SNX31: variants seen among roughly 807,000 people sequenced by gnomAD.
The protein encoded by SNX31 is sorting nexin-31.
A neutral mutation model predicts 65.4 loss-of-function variants in SNX31; 58 were observed. The observed-to-expected ratio is 0.89, with a 90% CI of 0.72 to 1.10. The LOEUF is 1.10. Ranked by LOEUF, SNX31 falls within the 50% of genes least tolerant of loss-of-function variation. The pLI is 0.00. For missense variants in SNX31, 523 were observed against 529.7 expected (o/e 0.99, Z 0.12); for synonymous variants, 181 against 190.1 (o/e 0.95, Z 0.39).
chr8:100,618,390 A>G, intron 4 of SNX31: 1 of 1,491,110 alleles, frequency 6.7e-7, no homozygotes, highest in South Asian at 1.2e-5. Context: ...TTCTGACACT[A>G]ATTGTGGGTG....
rs914910619 is a variant in SNX31 at position 100,612,229 on chromosome 8, T to C, written c.524-142A>G. ...AATATCCTCTGTATTTACACGTAAT[T>C]TTAACTTTCTGAAGTTCATTCAAAA... On this transcript the variant is annotated intron_variant, in intron 6 of 13. Coordinates refer to ENST00000311812, the MANE Select transcript of SNX31 (RefSeq NM_152628.4). The surrounding 1 kb of genome is among the most constrained non-coding windows in gnomAD (Gnocchi z 4.3). The C allele has an allele frequency of 8.4e-6, 5 of 593,790 alleles. No homozygotes were observed. Among genetic ancestry groups the C allele is most frequent in the Non-Finnish European group, 1.5e-5 (5 of 340,748 alleles). 36.8% of individuals were successfully genotyped at this position (593,790 alleles called of 1,614,324 possible). A position where few individuals can be genotyped will look rare whatever the true frequency, so the allele number is the denominator to read the frequency against.
At chr8:100,652,072 G>A (rs186939090), upstream of SNX31, among the ~76,000 whole-genome samples, 12 of 152,196 alleles carry the variant, frequency 7.9e-5, 1 homozygote, top group East Asian at 1.2e-3. Context: ...TCCACCTCCC[G>A]GGTTCATGCC....
chr8:100,593,682 G>A (rs950454106), intron 10 of SNX31, among the ~76,000 whole-genome samples: 5 of 151,950 alleles, frequency 3.3e-5, no homozygotes, highest in Non-Finnish European at 7.4e-5. Flanking sequence ...TCAGACTCCT[G>A]ACTTCAACCA....
intron 11 of SNX31, among the ~76,000 whole-genome samples, chr8:100,586,145 T>A (rs527696898): frequency 2.0e-4 from 30 of 152,294 alleles, no homozygotes; most frequent in Middle Eastern, 3.4e-3. Flanking sequence ...GGTCTTAAGC[T>A]CCTGACCTCA....
intron 12 of SNX31, among the ~76,000 whole-genome samples, chr8:100,583,480 C>T (rs949006384): frequency 1.7e-4 from 26 of 152,032 alleles, no homozygotes; most frequent in African/African-American, 4.8e-4. Context: ...ATCATGATAA[C>T]GACTAGGCAA....
chr8:100,631,129 C>CA (rs1017915935), intron 3 of SNX31, among the ~76,000 whole-genome samples: 18 of 151,330 alleles, frequency 1.2e-4, no homozygotes, highest in African/African-American at 3.4e-4. Context: ...GAGATGTTAC[C>CA]AAAAAAAAGC....
At chr8:100,643,643 G>C (rs1587079130) in intron 2 of SNX31, among the ~76,000 whole-genome samples, 1 of 152,236 alleles carries the variant, frequency 6.6e-6, no homozygotes, top group East Asian at 1.9e-4. Flanking sequence ...GACTCAGGGA[G>C]ATGAAGTGAC....
At chr8:100,618,568 G>T in intron 4 of SNX31, 1 of 543,200 alleles carries the variant, frequency 1.8e-6, no homozygotes, top group Non-Finnish European at 3.2e-6. Context: ...TCACATGCCA[G>T]CAGCAAATAT....
At chr8:100,596,029 G>T (rs1379528289) in intron 10 of SNX31, among the ~76,000 whole-genome samples, 1 of 152,044 alleles carries the variant, frequency 6.6e-6, no homozygotes, top group Admixed American at 6.5e-5. Flanking sequence ...AAATCGCCAG[G>T]GATTCCATGG....
In SNX31 at chr8:100,649,536, T is replaced by C. The variant is rs779896657; in HGVS notation, c.-22A>G. ...TCATGGCTGAGCGGTGTCTTGGGAG[T>C]AGCGCTGGGAACCCGACCTGCGGCG... On this transcript the variant is annotated 5_prime_UTR_variant, in exon 1 of 14. Transcript: ENST00000311812. 1.3e-6 allele frequency: 2 copies of C among 1,555,026 alleles called. No homozygotes were observed. Among genetic ancestry groups the C allele is most frequent in the Non-Finnish European group, 1.7e-6 (2 of 1,149,880 alleles).
chr8:100,627,911 C>T (rs1332884505), intron 4 of SNX31, among the ~76,000 whole-genome samples: 1 of 152,054 alleles, frequency 6.6e-6, no homozygotes, highest in East Asian at 1.9e-4. Context: ...CAAACAACTC[C>T]ATCAAAAAGT....
At chr8:100,581,310 T>TA (rs1563510545) in intron 12 of SNX31, among the ~76,000 whole-genome samples, 21 of 130,888 alleles carry the variant, frequency 1.6e-4, no homozygotes, top group African/African-American at 7.5e-4. Context: ...AAAAAAATTT[T>TA]TTATATATCT....
rs60802013 is a variant in SNX31, at chr8:100,581,132, CAAAAAAA to C, written c.1170+2972_1170+2978del. 3.8e-5 allele frequency among the ~76,000 whole-genome samples: 3 copies of C among 79,606 alleles called. 1 individual carries two copies. The South Asian group carries it at 1.1e-3, about 30-fold the overall frequency. The allele number at this position is 79,606 out of a possible 152,430, so 52.2% of individuals were successfully genotyped here. ...AAAACACAGGGAGACCTTACCTCTA[CAAAAAAA>C]AAAAAAAAAATTAGCTGGGTGTGGT... On this transcript the variant is annotated intron_variant, in intron 12 of 13. Transcript: ENST00000311812.
At chr8:100,662,835 C>T (rs73276699) in intron 1 of SNX31, among the ~76,000 whole-genome samples, 2,297 of 152,238 alleles carry the variant, frequency 0.015, 65 homozygotes, top group African/African-American at 0.051. Flanking sequence ...TTGCTCAGTG[C>T]TAGAAATATT....
In SNX31 at chr8:100,622,840, C is replaced by T. The variant is rs1054270527; in HGVS notation, c.322-5110G>A. On this transcript the variant is annotated intron_variant, in intron 4 of 13. Transcript: ENST00000311812. The surrounding 1 kb of genome is among the most constrained non-coding windows in gnomAD (Gnocchi z 5.0). ...AAGCCTCCAATGTTTTGTTTGATGT[C>T]GCAGTACTGGTTTTGGCTGAGGTAA... Among the ~76,000 whole-genome samples the T allele has an allele frequency of 2.6e-5, 4 of 152,052 alleles. No individual in the cohort carries two copies. Among genetic ancestry groups the T allele is most frequent in the Admixed American group, 2.0e-4 (3 of 15,256 alleles).
chr8:100,577,288 A>G (rs1317783333), intron 12 of SNX31, among the ~76,000 whole-genome samples: 1 of 152,248 alleles, frequency 6.6e-6, no homozygotes, highest in Middle Eastern at 3.2e-3. Context: ...AAGTTAAGTA[A>G]AACTTAATGT....
chr8:100,605,669 T>C (rs530333621), intron 8 of SNX31, among the ~76,000 whole-genome samples: 1 of 152,284 alleles, frequency 6.6e-6, no homozygotes, highest in South Asian at 2.1e-4. Context: ...ACAGAATTCA[T>C]TTCTGAAACT....
rs1814851733 is a variant in SNX31 at position 100,594,220 on chromosome 8, C to T, written c.978+2419G>A. ...TTGGGAGGCTGAGGCAGGAGAATCC[C>T]TTGAACCTGGGAGGTGGAGGCTGCA... On this transcript the variant is annotated intron_variant, in intron 10 of 13. Coordinates refer to ENST00000311812, the MANE Select transcript of SNX31 (RefSeq NM_152628.4). The surrounding 1 kb of genome is among the most constrained non-coding windows in gnomAD (Gnocchi z 4.0). Among the ~76,000 whole-genome samples, 1 of 152,126 alleles carries T rather than the reference C, an allele frequency of 6.6e-6. No homozygotes were observed. Among genetic ancestry groups the T allele is most frequent in the South Asian group, 2.1e-4 (1 of 4,826 alleles).
chr8:100,653,104 C>G (rs182535386), upstream of SNX31, among the ~76,000 whole-genome samples: 53 of 152,342 alleles, frequency 3.5e-4, no homozygotes, highest in East Asian at 0.01. Context: ...GTCCTCCTCA[C>G]TCTCTTGAGG....
Sources: gnomAD v4.1 joint callset for allele counts (sites outside exome capture counted in the v4.1 genomes callset) on GRCh38, gnomAD v4.1.1 for gene constraint, Gnocchi (gnomAD v3.1) non-coding constraint, MANE v1.5 for transcripts, NCBI Gene and HGNC (gene_info 2026-07-23, HGNC 2026-07-21) for gene names.